AP1M2: variants seen among roughly 807,000 people sequenced by gnomAD.
The protein encoded by AP1M2 is adaptor related protein complex 1 subunit mu 2, also known as AP-1 complex subunit mu-2.
AP1M2 carries 41 observed loss-of-function variants against 54.6 expected under a neutral mutation model. The observed-to-expected ratio is 0.75, with a 90% CI of 0.59 to 0.97. The LOEUF is 0.97. AP1M2 is among the 50% of genes least tolerant of loss of function. AP1M2 has a pLI of 0.00. For synonymous variants in AP1M2, 219 were observed against 215.9 expected, an observed-to-expected ratio of 1.01 and a Z score of -0.13; for missense variants, 507 against 561.2, an observed-to-expected ratio of 0.90 and a Z score of 0.98.
chr19:10,582,295 GCTT>G (rs1917492435), intron 3 of AP1M2, among the ~76,000 whole-genome samples: 1 of 145,756 alleles, frequency 6.9e-6, no homozygotes, highest in Non-Finnish European at 1.5e-5. Context: ...GCCCACTTTG[GCTT>G]CCCAAAGTGC....
intron 3 of AP1M2, 42 bp from the exon 4 acceptor site, chr19:10,581,920 T>C: frequency 1.3e-6 from 2 of 1,534,308 alleles, no homozygotes; most frequent in Non-Finnish European, 1.8e-6. Flanking sequence ...AGTGTGGCTA[T>C]GGGTTGGGCA....
chr19:10,572,993 C>T lies in AP1M2; in HGVS notation c.*73G>A. 6.7e-7 allele frequency: 1 copy of T among 1,490,742 alleles called. No homozygotes were observed. The highest frequency in any genetic ancestry group is 9.2e-7 in the Non-Finnish European group (1 of 1,091,806). 92.3% of individuals were successfully genotyped at this position (1,490,742 alleles called of 1,614,324 possible). On this transcript the variant is annotated 3_prime_UTR_variant, in exon 12 of 12. Transcript: ENST00000250244. Reference sequence around the variant, plus strand: ...TCACACAGACACACACAGCCCGCACCTGCCCTCCCTCTAAAATCTGCATCC... The same window carrying T: ...TCACACAGACACACACAGCCCGCACTTGCCCTCCCTCTAAAATCTGCATCC...
At chr19:10,583,585 C>A (rs377521944) in intron 3 of AP1M2, 21 bp downstream of exon 3, 27 of 1,575,680 alleles carry the variant, frequency 1.7e-5, no homozygotes, top group Non-Finnish European at 2.2e-5. Flanking sequence ...ACCAGTTAGC[C>A]AATGGGAGGC....
chr19:10,583,237 G>A (rs1376686177), intron 3 of AP1M2, among the ~76,000 whole-genome samples: 2 of 152,004 alleles, frequency 1.3e-5, no homozygotes, highest in African/African-American at 2.4e-5. Context: ...TAGCTGAGCC[G>A]TATGCTCTCT....
intron 11 of AP1M2, among the ~76,000 whole-genome samples, chr19:10,573,628 C>G (rs1917127783): frequency 6.6e-6 from 1 of 150,760 alleles, no homozygotes; most frequent in South Asian, 2.1e-4. Flanking sequence ...CACCCTAGAA[C>G]TGACGCTGAC....
At position 10,575,041 on chromosome 19, in the gene AP1M2, TG is replaced by T; in HGVS notation, c.1048-13del. 4.0e-6 allele frequency: 6 copies of T among 1,487,602 alleles called. No individual in the cohort carries two copies. In the African/African-American group the frequency reaches 4.3e-5, roughly 11 times the overall value. The allele number at this position is 1,487,602 out of a possible 1,614,324, so 92.2% of individuals were successfully genotyped here. ...TACTCCTTGCCCCCCTGAGGGAACA[TG>T]GGGGCATCAGGTACACGAGGGTCCG... On this transcript the variant is annotated splice_polypyrimidine_tract_variant and intron_variant, in intron 9 of 11. Transcript: ENST00000250244.
intron 11 of AP1M2, among the ~76,000 whole-genome samples, chr19:10,574,007 T>G (rs930144921): frequency 1.3e-5 from 2 of 151,872 alleles, no homozygotes; most frequent in Non-Finnish European, 2.9e-5. Flanking sequence ...CAGGGTGCCA[T>G]GACAAGAAGG....
In AP1M2 at chr19:10,585,321, AAGAAAG is replaced by A. The variant is rs754300730; in HGVS notation, c.43-1257_43-1252del. On this transcript the variant is annotated intron_variant, in intron 1 of 11. Transcript: ENST00000250244. ...AAAGAAAGAAAGAAAGAAAGAAAGAAAGAAAGAAAGAAAGAAAGAAAGAAAGAAAGA... is the reference window on the plus strand; with the variant it reads ...AAAGAAAGAAAGAAAGAAAGAAAGAAAAAGAAAGAAAGAAAGAAAGAAAGA... 4.3e-3 allele frequency among the ~76,000 whole-genome samples: 606 copies of A among 141,850 alleles called. 3 individuals are homozygous for A. Among genetic ancestry groups the A allele is most frequent in the Non-Finnish European group, 7.6e-3 (466 of 61,094 alleles). 93.1% of individuals were successfully genotyped at this position (141,850 alleles called of 152,430 possible). A position where few individuals can be genotyped will look rare whatever the true frequency, so the allele number is the denominator to read the frequency against.
At chr19:10,581,008 C>T (rs1233951096) in intron 6 of AP1M2, among the ~76,000 whole-genome samples, 2 of 152,164 alleles carry the variant, frequency 1.3e-5, no homozygotes, top group African/African-American at 4.8e-5. Flanking sequence ...AGTAGGATGT[C>T]ATCTCTGTAA....
In AP1M2 at chr19:10,577,184, TC is replaced by T; in HGVS notation, c.1047+13del. ...CCTCCACCCCCAGATCCCCCGCCAG[TC>T]CCTGGTACTTACCGGGAAAGACTTA... On this transcript the variant is annotated intron_variant, in intron 9 of 11. Transcript: ENST00000250244. 1 of 1,605,766 alleles carries T rather than the reference TC, an allele frequency of 6.2e-7. No individual in the cohort carries two copies. The highest frequency in any genetic ancestry group is 1.1e-5 in the South Asian group (1 of 89,234).
chr19:10,574,279 C>T (rs1345600998), intron 11 of AP1M2, 138 bp downstream of exon 11: 1 of 690,088 alleles, frequency 1.4e-6, no homozygotes, highest in Admixed American at 3.5e-5. Context: ...CTTGGCCTCC[C>T]AAAGTGCTAG....
intron 10 of AP1M2, 119 bp from the exon 11 acceptor site, chr19:10,574,611 T>C: frequency 1.1e-6 from 1 of 881,876 alleles, no homozygotes; most frequent in Non-Finnish European, 1.7e-6. Context: ...GATGAGGGGA[T>C]ATCACATGGT....
intron 9 of AP1M2, 126 bp downstream of exon 9, chr19:10,577,072 C>A: frequency 9.2e-7 from 1 of 1,083,348 alleles, no homozygotes. Context: ...GCATTCCAGT[C>A]ATGAGCCATC....
At chr19:10,577,084 C>A in intron 9 of AP1M2, 114 bp downstream of exon 9, 2 of 1,238,246 alleles carry the variant, frequency 1.6e-6, no homozygotes, top group Non-Finnish European at 2.3e-6. Flanking sequence ...TGAGCCATCA[C>A]ACCTGACTGG....
At chr19:10,579,952 C>A in intron 6 of AP1M2, 94 bp from the exon 7 acceptor site, 2 of 1,289,090 alleles carry the variant, frequency 1.6e-6, no homozygotes, top group Non-Finnish European at 1.0e-6. Context: ...ACCTATTTCA[C>A]ATATGGGGAA....
chr19:10,579,903 A>G, intron 6 of AP1M2, 45 bp from the exon 7 acceptor site: 4 of 1,546,072 alleles, frequency 2.6e-6, no homozygotes, highest in Non-Finnish European at 3.5e-6. Context: ...GGGAACCAGG[A>G]AAGGATCCCT....
At position 10,574,797 on chromosome 19, in the gene AP1M2, G is replaced by C. The variant is rs1599546045; in HGVS notation, c.1173+107C>G. 2.9e-6 allele frequency: 4 copies of C among 1,380,752 alleles called. 1 individual carries two copies. The Admixed American group carries it at 1.1e-4, about 38-fold the overall frequency. 85.5% of individuals were successfully genotyped at this position (1,380,752 alleles called of 1,614,324 possible). A position where few individuals can be genotyped will look rare whatever the true frequency, so the allele number is the denominator to read the frequency against. On this transcript the variant is annotated intron_variant, in intron 10 of 11. Coordinates refer to ENST00000250244, the MANE Select transcript of AP1M2 (RefSeq NM_005498.5). Reference sequence around the variant, plus strand: ...TGGGAAAGACCAGGCAGCCTTCAGAGGAGTGTTGACACAGGCCAGGGGACT... The same window carrying C: ...TGGGAAAGACCAGGCAGCCTTCAGACGAGTGTTGACACAGGCCAGGGGACT...
intron 3 of AP1M2, among the ~76,000 whole-genome samples, chr19:10,582,331 G>A (rs1821280): frequency 0.25 from 38,338 of 151,724 alleles, 5,730 homozygotes; most frequent in East Asian, 0.63. Context: ...ATGAGCCACC[G>A]GTGCCCGGCC....
At chr19:10,574,690 T>G (rs1410406336) in intron 10 of AP1M2, among the ~76,000 whole-genome samples, 198 bp from the exon 11 acceptor site, 1 of 151,832 alleles carries the variant, frequency 6.6e-6, no homozygotes, top group Non-Finnish European at 1.5e-5. Context: ...GGGACAGAAG[T>G]GAACAAGCCG....
Sources: allele counts gnomAD v4.1 joint callset (sites outside exome capture counted in the v4.1 genomes callset), GRCh38; gene constraint gnomAD v4.1.1; transcripts MANE v1.5; gene names NCBI Gene and HGNC (gene_info 2026-07-23, HGNC 2026-07-21).